ANO4: variants seen among roughly 807,000 people sequenced by gnomAD.
The protein encoded by ANO4 is anoctamin-4.
In ANO4, 69 loss-of-function variants were observed where a neutral mutation model predicts 141.9. The observed-to-expected ratio is 0.49, with a 90% confidence interval of 0.40 to 0.59. The LOEUF (loss-of-function observed/expected upper bound fraction) is 0.59, where lower values mean the gene tolerates loss of function less well. Ranked by LOEUF, ANO4 falls within the 20% of genes least tolerant of loss-of-function variation. The pLI, the probability that ANO4 is intolerant of heterozygous loss-of-function variation, is 0.00. For synonymous variants in ANO4, 350 were observed against 394.3 expected (o/e 0.89, Z 1.33); for missense variants, 894 against 1,162.2 (o/e 0.77, Z 3.36).
chr12:101,013,600 G>A (rs568285232), intron 8 of ANO4, among the ~76,000 whole-genome samples: 25 of 152,264 alleles, frequency 1.6e-4, no homozygotes, highest in Admixed American at 1.5e-3. Flanking sequence ...TTAGGCAATT[G>A]TTTATCCATG....
chr12:101,094,615 A>G (rs938351529), intron 18 of ANO4, among the ~76,000 whole-genome samples: 2 of 152,182 alleles, frequency 1.3e-5, no homozygotes, highest in African/African-American at 4.8e-5. Context: ...TTCATTTGCT[A>G]TTGCCTATAA....
chr12:101,052,364 C>T (rs2047908939), intron 14 of ANO4, among the ~76,000 whole-genome samples: 1 of 152,108 alleles, frequency 6.6e-6, no homozygotes, highest in African/African-American at 2.4e-5. Context: ...TGATTATGGA[C>T]TAAATAACTC....
At chr12:100,727,122 G>C (rs1449648508) in intron 1 of ANO4, among the ~76,000 whole-genome samples, 3 of 152,058 alleles carry the variant, frequency 2.0e-5, no homozygotes, top group Non-Finnish European at 4.4e-5. Flanking sequence ...TTCACCATGG[G>C]CTTAAGAAGA....
At chr12:100,986,409 A>G (rs2044711243) in intron 7 of ANO4, among the ~76,000 whole-genome samples, 1 of 152,138 alleles carries the variant, frequency 6.6e-6, no homozygotes, top group Non-Finnish European at 1.5e-5. Flanking sequence ...TCAATGGATT[A>G]GATGGTGCCC....
At chr12:100,750,651 CA>C (rs1377623822) in intron 3 of ANO4, among the ~76,000 whole-genome samples, 1 of 152,114 alleles carries the variant, frequency 6.6e-6, no homozygotes, top group African/African-American at 2.4e-5. Context: ...TCTGAGTTCC[CA>C]AAACAGTACT....
chr12:100,963,838 T>C (rs1452594527), intron 5 of ANO4, among the ~76,000 whole-genome samples: 3 of 152,138 alleles, frequency 2.0e-5, no homozygotes, highest in African/African-American at 7.2e-5. Context: ...GTGTCAGCTA[T>C]TGGGGGTTAC....
intron 3 of ANO4, among the ~76,000 whole-genome samples, chr12:100,781,515 T>A (rs937362208): frequency 2.0e-4 from 31 of 152,264 alleles, no homozygotes; most frequent in Admixed American, 6.5e-5. Flanking sequence ...TTATACCTTG[T>A]CTAGTCTGAT....
chr12:100,856,122 G>A (rs889201201), intron 1 of ANO4, among the ~76,000 whole-genome samples: 23 of 152,114 alleles, frequency 1.5e-4, no homozygotes, highest in Non-Finnish European at 2.4e-4. Context: ...TATTGAAATC[G>A]ATGGTGTGGC....
chr12:101,030,306 A>T (rs1173647568), intron 9 of ANO4, among the ~76,000 whole-genome samples: 1 of 152,234 alleles, frequency 6.6e-6, no homozygotes, highest in Non-Finnish European at 1.5e-5. Flanking sequence ...TCAAATTAGA[A>T]CTCAGGATTA....
chr12:100,932,056 A>G (rs986626691), intron 3 of ANO4, among the ~76,000 whole-genome samples: 3 of 150,756 alleles, frequency 2.0e-5, no homozygotes, highest in African/African-American at 7.3e-5. Context: ...TGAGTATCAG[A>G]TGCAATAACT....
intron 3 of ANO4, among the ~76,000 whole-genome samples, chr12:100,757,011 C>G (rs1257040468): frequency 6.6e-6 from 1 of 152,154 alleles, no homozygotes; most frequent in Non-Finnish European, 1.5e-5. Context: ...AGCCAAAAAT[C>G]GTCCTGTTGC....
intron 8 of ANO4, among the ~76,000 whole-genome samples, chr12:101,011,487 G>C (rs561334892): frequency 6.6e-6 from 1 of 152,172 alleles, no homozygotes; most frequent in South Asian, 2.1e-4. Context: ...CATCAGGTGA[G>C]TTGAGGATGA....
chr12:101,003,233 A>G (rs2045727552), intron 8 of ANO4, among the ~76,000 whole-genome samples: 1 of 152,258 alleles, frequency 6.6e-6, no homozygotes, highest in African/African-American at 2.4e-5. Flanking sequence ...ACATGTTAGC[A>G]ACGGGTCAAC....
chr12:101,053,782 G>A (rs2047976817), intron 14 of ANO4, among the ~76,000 whole-genome samples: 1 of 152,124 alleles, frequency 6.6e-6, no homozygotes, highest in African/African-American at 2.4e-5. Flanking sequence ...CTTTTTTGAG[G>A]GGACACAGTT....
At chr12:100,981,887 G>T (rs1271532698) in intron 7 of ANO4, among the ~76,000 whole-genome samples, 2 of 152,238 alleles carry the variant, frequency 1.3e-5, no homozygotes, top group Non-Finnish European at 2.9e-5. Context: ...AGTTGGGTAA[G>T]ATTATCTCCC....
At chr12:100,846,638 C>G (rs1021083524) in intron 1 of ANO4, among the ~76,000 whole-genome samples, 8 of 152,060 alleles carry the variant, frequency 5.3e-5, no homozygotes, top group African/African-American at 1.9e-4. Flanking sequence ...TGCTCTAGAG[C>G]TAATTATAAA....
At chr12:100,937,998 A>T (rs1197641236) in intron 3 of ANO4, among the ~76,000 whole-genome samples, 1 of 152,228 alleles carries the variant, frequency 6.6e-6, no homozygotes, top group Non-Finnish European at 1.5e-5. Context: ...TTTCGGTGAT[A>T]AAAAGGTAAG....
chr12:100,730,351 G>T (rs1052386368), intron 1 of ANO4, among the ~76,000 whole-genome samples: 10 of 151,914 alleles, frequency 6.6e-5, no homozygotes, highest in African/African-American at 2.2e-4. Flanking sequence ...GTTACCATTT[G>T]CAGGTGGAGG....
At chr12:101,057,901 A>C (rs560710396) in intron 14 of ANO4, among the ~76,000 whole-genome samples, 8 of 152,012 alleles carry the variant, frequency 5.3e-5, no homozygotes, top group Non-Finnish European at 8.8e-5. Flanking sequence ...CTTTTGTTGT[A>C]ATTGGTTTTG....
Sources: allele counts gnomAD v4.1 joint callset (sites outside exome capture counted in the v4.1 genomes callset), GRCh38; gene constraint gnomAD v4.1.1; transcripts MANE v1.5; gene names NCBI Gene and HGNC (gene_info 2026-07-23, HGNC 2026-07-21).